ZBTB7C: variants seen among roughly 807,000 people sequenced by gnomAD.
The protein encoded by ZBTB7C is zinc finger and BTB domain containing 7C.
ZBTB7C carries 8 observed loss-of-function variants against 25.7 expected under a neutral mutation model. The observed-to-expected ratio is 0.31, with a 90% CI of 0.18 to 0.56. ZBTB7C has a LOEUF of 0.56. Ranked by LOEUF, ZBTB7C falls within the 20% of genes least tolerant of loss-of-function variation. The probability of loss-of-function intolerance (pLI) is 0.91; values close to 1 mark genes in which losing one functional copy is unlikely to be tolerated. For synonymous variants in ZBTB7C, 394 were observed against 369.0 expected (o/e 1.07, Z -0.78); for missense variants, 824 against 855.2 (o/e 0.96, Z 0.46).
chr18:48,370,591 T>A (rs542202338), intron 1 of ZBTB7C, among the ~76,000 whole-genome samples: 1 of 152,194 alleles, frequency 6.6e-6, no homozygotes, highest in South Asian at 2.1e-4. Context: ...GTACACAGAA[T>A]CCCTCTGTAT....
rs1162383911 is a variant in ZBTB7C at position 48,155,132 on chromosome 18, T to C, written c.-17+30802A>G. Among the ~76,000 whole-genome samples the C allele has an allele frequency of 3.3e-5, 5 of 152,236 alleles. No individual in the cohort carries two copies. The East Asian group carries it at 7.7e-4, about 24-fold the overall frequency. On this transcript the variant is annotated intron_variant, in intron 3 of 4. Transcript: ENST00000590800. ...AAATTGTGCATGAAATAGGAGCAAATAGGCCCCATGTGACATGGGCCCCAA... is the reference window on the plus strand; with the variant it reads ...AAATTGTGCATGAAATAGGAGCAAACAGGCCCCATGTGACATGGGCCCCAA...
chr18:48,137,420 C>T, intron 3 of ZBTB7C: 1 of 682,712 alleles, frequency 1.5e-6, no homozygotes, highest in East Asian at 1.3e-4. Flanking sequence ...GGGTTTCCCC[C>T]CACTCTCCTT....
At chr18:48,138,197 A>T (rs541258604) in intron 3 of ZBTB7C, among the ~76,000 whole-genome samples, 1 of 152,224 alleles carries the variant, frequency 6.6e-6, no homozygotes, top group African/African-American at 2.4e-5. Flanking sequence ...GCCTTAAAGG[A>T]TCCTGAAACC....
At chr18:48,120,748 C>A (rs2039601169) in intron 3 of ZBTB7C, among the ~76,000 whole-genome samples, 1 of 152,200 alleles carries the variant, frequency 6.6e-6, no homozygotes. Context: ...CTCTAACCTG[C>A]CCCCAGCAAG....
At chr18:48,127,005 C>A (rs370618833) in intron 3 of ZBTB7C, among the ~76,000 whole-genome samples, 1 of 152,124 alleles carries the variant, frequency 6.6e-6, no homozygotes, top group Non-Finnish European at 1.5e-5. Flanking sequence ...GGAAGATGCG[C>A]GTGGCTCAGT....
rs79178309 is a variant in ZBTB7C at position 48,238,744 on chromosome 18, T to C, written c.-78-52749A>G. Among the ~76,000 whole-genome samples the C allele has an allele frequency of 4.5e-3, 691 of 152,318 alleles. 5 individuals are homozygous for C. Among genetic ancestry groups the C allele is most frequent in the African/African-American group, 0.016 (673 of 41,564 alleles). ...GGAAACTTCCAGCTGAACTTTTTAA[T>C]AATTTCAACTGAATGGGATGTTTTC... On this transcript the variant is annotated intron_variant, in intron 2 of 4. Coordinates refer to ENST00000590800, the MANE Select transcript of ZBTB7C (RefSeq NM_001318841.2).
chr18:48,104,784 A>AT lies in ZBTB7C; in HGVS notation c.-16-63662dup, dbSNP rs1422998047. ...AGCTCCAGGTTTCACTGGGTGGTCC[A>AT]TCCCCCAAGCAGGACATGTGGGGGT... On this transcript the variant is annotated intron_variant, in intron 3 of 4. Coordinates refer to ENST00000590800, the MANE Select transcript of ZBTB7C (RefSeq NM_001318841.2). 2.6e-5 allele frequency among the ~76,000 whole-genome samples: 4 copies of AT among 152,316 alleles called. No individual in the cohort carries two copies. In the East Asian group the frequency reaches 7.7e-4, roughly 29 times the overall value.
At chr18:48,412,496 G>C (rs1342177166), upstream of ZBTB7C, among the ~76,000 whole-genome samples, 1 of 152,184 alleles carries the variant, frequency 6.6e-6, no homozygotes, top group African/African-American at 2.4e-5. Context: ...GTCAGGGGCA[G>C]CATTTGGATC....
chr18:48,028,938 G>A lies in ZBTB7C; in HGVS notation c.*322C>T, dbSNP rs1227588970. 2.9e-6 allele frequency: 1 copy of A among 344,512 alleles called. No individual in the cohort carries two copies. The highest frequency in any genetic ancestry group is 5.2e-6 in the Non-Finnish European group (1 of 191,696). The allele number at this position is 344,512 out of a possible 1,614,324, so 21.3% of individuals were successfully genotyped here. ...GGCCAACCACCCCCTGACCCCTCAT[G>A]ACTCACCCAGCTCCTAAGTGCCCCT... On this transcript the variant is annotated 3_prime_UTR_variant, in exon 5 of 5. Transcript: ENST00000590800.
Position 48,338,911 on chromosome 18 carries a change from T to TGG in ZBTB7C, c.-303-515_-303-514dup, listed in dbSNP as rs71165319. Among the ~76,000 whole-genome samples, 1,157 of 137,852 alleles carry TGG rather than the reference T, an allele frequency of 8.4e-3. 39 individuals are homozygous for TGG. In the East Asian group the frequency reaches 0.11, roughly 13 times the overall value. 90.4% of individuals were successfully genotyped at this position (137,852 alleles called of 152,430 possible). Reference sequence around the variant, plus strand: ...AGGCTTCTGGTGTTCTGTAGTTTGTTGGGGGGGGGGGGTCCAGGTAGGACA... The same window carrying TGG: ...AGGCTTCTGGTGTTCTGTAGTTTGTTGGGGGGGGGGGGGGTCCAGGTAGGACA... On this transcript the variant is annotated intron_variant, in intron 1 of 4. Coordinates refer to ENST00000590800, the MANE Select transcript of ZBTB7C (RefSeq NM_001318841.2).
intron 2 of ZBTB7C, among the ~76,000 whole-genome samples, chr18:48,294,697 C>T (rs905636320): frequency 3.3e-5 from 5 of 151,734 alleles, no homozygotes; most frequent in African/African-American, 1.2e-4. Context: ...ACTGCTTGTC[C>T]CCACACAGAG....
At chr18:48,199,996 G>A (rs1185307911) in intron 2 of ZBTB7C, among the ~76,000 whole-genome samples, 2 of 31,224 alleles carry the variant, frequency 6.4e-5, no homozygotes, top group Non-Finnish European at 7.7e-5. Flanking sequence ...ATGTATTTGT[G>A]TGTGTGTGTG....
chr18:48,274,172 G>A (rs957876941), intron 2 of ZBTB7C, among the ~76,000 whole-genome samples: 7 of 152,130 alleles, frequency 4.6e-5, no homozygotes, highest in Non-Finnish European at 8.8e-5. Context: ...TAGTCTTTTA[G>A]GACCCTTAAT....
intron 2 of ZBTB7C, among the ~76,000 whole-genome samples, chr18:48,228,422 G>C (rs1242388892): frequency 6.6e-6 from 1 of 152,146 alleles, no homozygotes; most frequent in Admixed American, 6.5e-5. Context: ...CTGGGTCCTT[G>C]CTATGAGAGA....
chr18:48,297,037 C>G (rs771123711), intron 2 of ZBTB7C, among the ~76,000 whole-genome samples: 10 of 152,110 alleles, frequency 6.6e-5, no homozygotes, highest in African/African-American at 9.7e-5. Flanking sequence ...ACAGTTTCCC[C>G]CACCCCACCC....
intron 3 of ZBTB7C, among the ~76,000 whole-genome samples, chr18:48,080,733 C>A (rs1030759505): frequency 6.6e-6 from 1 of 152,206 alleles, no homozygotes; most frequent in African/African-American, 2.4e-5. Flanking sequence ...CCTGCTGGGG[C>A]TGCACACAGT....
chr18:48,343,572 G>A (rs1434561412), intron 1 of ZBTB7C, among the ~76,000 whole-genome samples: 2 of 152,194 alleles, frequency 1.3e-5, no homozygotes, highest in Admixed American at 6.5e-5. Flanking sequence ...TCTGGAATCA[G>A]GTTTGTATCC....
intron 1 of ZBTB7C, among the ~76,000 whole-genome samples, chr18:48,377,491 A>G (rs2047546681): frequency 6.6e-6 from 1 of 152,226 alleles, no homozygotes; most frequent in South Asian, 2.1e-4. Context: ...ACATGTCTGG[A>G]CAGAGGTAAT....
intron 2 of ZBTB7C, among the ~76,000 whole-genome samples, chr18:48,278,439 T>G (rs1365073149): frequency 6.6e-6 from 1 of 151,022 alleles, no homozygotes; most frequent in African/African-American, 2.4e-5. Flanking sequence ...AAATTCTTTT[T>G]TTTCTTTTTT....
Sources: allele counts gnomAD v4.1 joint callset (sites outside exome capture counted in the v4.1 genomes callset), GRCh38; gene constraint gnomAD v4.1.1; transcripts MANE v1.5; gene names NCBI Gene and HGNC (gene_info 2026-07-23, HGNC 2026-07-21).